CAMSAP2: variants seen among roughly 807,000 people sequenced by gnomAD.
CAMSAP2 encodes the protein calmodulin-regulated spectrin-associated protein 2.
CAMSAP2 carries 26 observed loss-of-function variants against 146.1 expected under a neutral mutation model. The ratio of observed to expected loss-of-function variants is 0.18; its 90% confidence interval spans 0.13 to 0.25. The LOEUF (loss-of-function observed/expected upper bound fraction) is 0.25, where lower values mean the gene tolerates loss of function less well. CAMSAP2 is among the 10% of genes least tolerant of loss of function. The probability of loss-of-function intolerance (pLI) is 1.00; values close to 1 mark genes in which losing one functional copy is unlikely to be tolerated. For synonymous variants in CAMSAP2, 499 were observed against 596.6 expected (o/e 0.84, Z 2.38); for missense variants, 1,381 against 1,759.3 (o/e 0.78, Z 3.85).
At chr1:200,801,146 C>A (rs1257044015) in intron 2 of CAMSAP2, among the ~76,000 whole-genome samples, 4 of 152,028 alleles carry the variant, frequency 2.6e-5, no homozygotes, top group South Asian at 4.2e-4. Flanking sequence ...TGCCTATAGT[C>A]CCAGCTACTT....
intron 4 of CAMSAP2, among the ~76,000 whole-genome samples, chr1:200,816,041 A>G (rs1266895426): frequency 2.0e-5 from 3 of 152,334 alleles, no homozygotes; most frequent in African/African-American, 7.2e-5. Context: ...CACGCCTGTA[A>G]TACCAGCACT....
chr1:200,760,658 A>G (rs1664774999), intron 1 of CAMSAP2, among the ~76,000 whole-genome samples, 181 bp from the exon 2 acceptor site: 1 of 152,136 alleles, frequency 6.6e-6, no homozygotes, highest in South Asian at 2.1e-4. Context: ...GGAAATTTGT[A>G]TCTTTGTCTC....
Position 200,857,030 on chromosome 1 carries a change from A to G in CAMSAP2, c.4013-276A>G, listed in dbSNP as rs1667766993. Among the ~76,000 whole-genome samples, 1 of 152,174 alleles carries G rather than the reference A, an allele frequency of 6.6e-6. No individual in the cohort carries two copies. Among genetic ancestry groups the G allele is most frequent in the Admixed American group, 6.5e-5 (1 of 15,276 alleles). On this transcript the variant is annotated intron_variant, in intron 15 of 16. Coordinates refer to ENST00000358823, the MANE Select transcript of CAMSAP2 (RefSeq NM_203459.4). This position sits in a 1 kb window ranked among gnomAD's most constrained non-coding sequence, Gnocchi z 4.7. ...CAGTAACCGTATAGATTTAAGAAAG[A>G]AGGTTAAATAGGCAGTATGACAGTT...
At position 200,767,664 on chromosome 1, in the gene CAMSAP2, T is replaced by G. The variant is rs542412454; in HGVS notation, c.399+6566T>G. Among the ~76,000 whole-genome samples, 9 of 152,288 alleles carry G rather than the reference T, an allele frequency of 5.9e-5. No homozygotes were observed. In the South Asian group the frequency reaches 1.7e-3, roughly 28 times the overall value. ...TATTGTAATAGTAGGTGAGAAGACA[T>G]TAATTTCTGGTCACCCTTGTATATG... is the stretch of plus-strand genomic sequence containing the variant. On this transcript the variant is annotated intron_variant, in intron 2 of 16. Transcript: ENST00000358823.
intron 3 of CAMSAP2, among the ~76,000 whole-genome samples, chr1:200,812,669 A>G (rs1356065648): frequency 1.3e-5 from 2 of 152,244 alleles, no homozygotes; most frequent in Non-Finnish European, 2.9e-5. Context: ...AAAAATGGCA[A>G]TAACATGGCT....
intron 6 of CAMSAP2, 92 bp from the exon 7 acceptor site, chr1:200,841,901 GA>G (rs2102236176): frequency 2.3e-6 from 2 of 869,280 alleles, no homozygotes; most frequent in East Asian, 5.1e-5. Context: ...AGTGATGAAT[GA>G]ATGAGATTTA....
intron 2 of CAMSAP2, among the ~76,000 whole-genome samples, chr1:200,762,801 C>T (rs1664837128): frequency 6.6e-6 from 1 of 152,128 alleles, no homozygotes; most frequent in Admixed American, 6.5e-5. Flanking sequence ...TGGTAGACTG[C>T]TGATTGTGTT....
Position 200,849,633 on chromosome 1 carries a change from C to G in CAMSAP2, c.2864C>G (p.Pro955Arg). 2.5e-6 allele frequency: 4 copies of G among 1,614,202 alleles called. No individual in the cohort carries two copies. The South Asian group carries it at 4.4e-5, about 18-fold the overall frequency. ...IAPFSSDSPR[P>R]THPSPQSSNR... ...CCATTCTCCTCAGACTCCCCTCGTC[C>G]TACTCACCCATCTCCACAGTCTTCT... Residue 955 changes from proline to arginine, a missense_variant, in exon 11 of 17, where the codon CCT (proline) becomes CGT (arginine). Physicochemically the swap from Pro to Arg is moderately radical, Grantham distance 103. Transcript: ENST00000358823. The surrounding 1 kb of genome is among the most constrained non-coding windows in gnomAD (Gnocchi z 6.3).
intron 2 of CAMSAP2, among the ~76,000 whole-genome samples, chr1:200,764,067 G>A (rs759602610): frequency 4.6e-5 from 7 of 151,592 alleles, no homozygotes; most frequent in Non-Finnish European, 7.4e-5. Flanking sequence ...GCAAGACTCC[G>A]TCTCAAAAAA....
chr1:200,817,801 G>A (rs1666647565), intron 4 of CAMSAP2, among the ~76,000 whole-genome samples: 1 of 152,168 alleles, frequency 6.6e-6, no homozygotes, highest in Non-Finnish European at 1.5e-5. Context: ...TAACTGACTG[G>A]CTCCTGAAAA....
intron 1 of CAMSAP2, among the ~76,000 whole-genome samples, chr1:200,749,319 A>G (rs1288260489): frequency 1.3e-5 from 2 of 152,218 alleles, no homozygotes; most frequent in Non-Finnish European, 2.9e-5. Flanking sequence ...GCTTGCCACA[A>G]GCCTGATGAT....
intron 4 of CAMSAP2, among the ~76,000 whole-genome samples, chr1:200,819,789 G>A (rs544267228): frequency 1.3e-5 from 2 of 152,266 alleles, no homozygotes; most frequent in Non-Finnish European, 2.9e-5. Context: ...TTTTCTATAT[G>A]TATATTACTA....
At chr1:200,856,672 C>T (rs1037239336) in intron 15 of CAMSAP2, among the ~76,000 whole-genome samples, 1 of 152,024 alleles carries the variant, frequency 6.6e-6, no homozygotes, top group Non-Finnish European at 1.5e-5. Context: ...GTCAGCAGCA[C>T]GTTGAGAGGT....
At chr1:200,827,226 G>A (rs1666928002) in intron 4 of CAMSAP2, among the ~76,000 whole-genome samples, 1 of 152,270 alleles carries the variant, frequency 6.6e-6, no homozygotes, top group African/African-American at 2.4e-5. Context: ...GTCTGAATTA[G>A]TAACAAAATC....
rs773666710 is a variant in CAMSAP2 at position 200,857,844 on chromosome 1, A to G, written c.4222A>G (p.Thr1408Ala). The part of the protein sequence containing the change: ...FRSLYTYCPE[T>A]EEINKLTGIG... Reference sequence around the variant, plus strand: ...ATCTTTATACACTTATTGCCCAGAAACTGAAGAAATCAATAAACTGACTGG... The same window carrying G: ...ATCTTTATACACTTATTGCCCAGAAGCTGAAGAAATCAATAAACTGACTGG... The change falls in exon 17 of 17, where the codon ACT (threonine) becomes GCT (alanine). Residue 1408 changes from threonine (T) to alanine (A), a missense_variant. Physicochemically the swap from Thr to Ala is moderately conservative, Grantham distance 58 (BLOSUM62 0). Around this residue, in one of 4 missense-constraint regions of CAMSAP2, gnomAD observed 90 missense variants for 174.4 expected, o/e 0.52. Coordinates refer to ENST00000358823, the MANE Select transcript of CAMSAP2 (RefSeq NM_203459.4). The surrounding 1 kb of genome is among the most constrained non-coding windows in gnomAD (Gnocchi z 4.7). 6.2e-7 allele frequency: 1 copy of G among 1,613,786 alleles called. No individual in the cohort carries two copies. Among genetic ancestry groups the G allele is most frequent in the African/African-American group, 1.3e-5 (1 of 74,924 alleles).
intron 7 of CAMSAP2, 84 bp from the exon 8 acceptor site, chr1:200,844,697 AT>A (rs1290683602): frequency 5.9e-6 from 4 of 673,618 alleles, no homozygotes; most frequent in Non-Finnish European, 9.9e-6. Context: ...TAGAAGTTAA[AT>A]TTTGTTATAA....
intron 2 of CAMSAP2, among the ~76,000 whole-genome samples, chr1:200,788,768 A>C (rs1429536829): frequency 1.3e-5 from 2 of 150,880 alleles, no homozygotes; most frequent in Admixed American, 6.6e-5. Flanking sequence ...CAGCTACCCA[A>C]GTAGCTGGGA....
At position 200,858,130 on chromosome 1, in the gene CAMSAP2, C is replaced by A; in HGVS notation, c.*71C>A. 7.6e-7 allele frequency: 1 copy of A among 1,320,914 alleles called. No individual in the cohort carries two copies. The highest frequency in any genetic ancestry group is 1.0e-6 in the Non-Finnish European group (1 of 966,458). The allele number at this position is 1,320,914 out of a possible 1,614,324, so 81.8% of individuals were successfully genotyped here. A position where few individuals can be genotyped will look rare whatever the true frequency, so the allele number is the denominator to read the frequency against. On this transcript the variant is annotated 3_prime_UTR_variant, in exon 17 of 17. Coordinates refer to ENST00000358823, the MANE Select transcript of CAMSAP2 (RefSeq NM_203459.4). ...TTCATCTTTCCTGCCTATAGAAAAT[C>A]TTTCTAATTGCCAACAAGACTTTTA...
In CAMSAP2 at chr1:200,848,580, A is replaced by G. The variant is rs1233170818; in HGVS notation, c.1811A>G (p.Asp604Gly). 1.2e-6 allele frequency: 2 copies of G among 1,614,098 alleles called. No individual in the cohort carries two copies. Among genetic ancestry groups the G allele is most frequent in the Non-Finnish European group, 1.7e-6 (2 of 1,179,946 alleles). Residue 604 changes from aspartate (D) to glycine (G), a missense_variant, in exon 11 of 17, where the codon GAC (aspartate) becomes GGC (glycine). Physicochemically the swap from Asp to Gly is moderately conservative, Grantham distance 94. This residue lies in a region of CAMSAP2 where 447 missense variants were observed against 462.2 expected (regional missense o/e 0.97). Transcript: ENST00000358823. The part of the protein sequence containing the change: ...DTKGALSPIT[D>G]NTEVDTGIHV... The stretch of plus-strand genomic sequence containing the variant: ...AAAGGTGCCTTGAGTCCCATAACTG[A>G]CAATACTGAAGTAGACACTGGAATT...
Sources: allele counts gnomAD v4.1 joint callset (sites outside exome capture counted in the v4.1 genomes callset), GRCh38; gene constraint gnomAD v4.1.1; regional missense constraint gnomAD v4.1.1; non-coding constraint Gnocchi (gnomAD v3.1); transcripts MANE v1.5; gene names NCBI Gene and HGNC (gene_info 2026-07-23, HGNC 2026-07-21).